The following PLXNC1 variants were observed in gnomAD, a reference collection of about 807,000 sequenced individuals.
PLXNC1 encodes plexin-C1.
A neutral mutation model predicts 178.2 loss-of-function variants in PLXNC1; 75 were observed. That is an observed-to-expected ratio of 0.42 (90% CI 0.35 to 0.51). PLXNC1 has a LOEUF of 0.51. PLXNC1 is among the 20% of genes least tolerant of loss of function. The probability of loss-of-function intolerance (pLI) is 0.02; values close to 1 mark genes in which losing one functional copy is unlikely to be tolerated. For missense variants in PLXNC1, 1,503 were observed against 1,984.4 expected (o/e 0.76, Z 4.61); for synonymous variants, 790 against 779.9 (o/e 1.01, Z -0.22).
At chr12:94,300,511 A>G (rs1278872044) in intron 27 of PLXNC1, among the ~76,000 whole-genome samples, 2 of 152,212 alleles carry the variant, frequency 1.3e-5, no homozygotes, top group African/African-American at 4.8e-5. Context: ...GGTGTTATCC[A>G]GAGGGAGATG....
At chr12:94,196,785 G>A (rs1047873844) in intron 4 of PLXNC1, among the ~76,000 whole-genome samples, 2 of 152,178 alleles carry the variant, frequency 1.3e-5, no homozygotes, top group African/African-American at 4.8e-5. Context: ...TACCTTGCAC[G>A]TTCTGTGCCA....
intron 3 of PLXNC1, among the ~76,000 whole-genome samples, chr12:94,183,143 A>C (rs1438629366): frequency 6.6e-6 from 1 of 152,220 alleles, no homozygotes; most frequent in Admixed American, 6.5e-5. Flanking sequence ...CTGGTTTTCC[A>C]TTCTTTTCCT....
chr12:94,189,113 C>T (rs1474989951), intron 4 of PLXNC1, among the ~76,000 whole-genome samples: 1 of 152,198 alleles, frequency 6.6e-6, no homozygotes, highest in Non-Finnish European at 1.5e-5. Context: ...ATGGTTTTGT[C>T]TTTCTCAAGC....
chr12:94,198,541 C>T (rs1963005892), intron 4 of PLXNC1, among the ~76,000 whole-genome samples: 1 of 152,104 alleles, frequency 6.6e-6, no homozygotes, highest in Non-Finnish European at 1.5e-5. Flanking sequence ...CATGGAGTTC[C>T]CTCTAGTGAG....
chr12:94,182,861 ATCTATCTATCTATCTATC>A (rs1565797605), intron 3 of PLXNC1, among the ~76,000 whole-genome samples: 27 of 126,098 alleles, frequency 2.1e-4, no homozygotes, highest in Non-Finnish European at 3.8e-4. Flanking sequence ...GAATATCTGT[ATCTATCTATCTATCTATC>A]TATCTATCTA....
At chr12:94,209,732 C>T (rs570437285) in intron 5 of PLXNC1, 28 bp downstream of exon 5, 24 of 1,343,126 alleles carry the variant, frequency 1.8e-5, no homozygotes, top group East Asian at 6.9e-5. Context: ...AATTTGTCCT[C>T]GTTGTATTGT....
Position 94,209,724 on chromosome 12 carries a change from T to TC in PLXNC1, c.1554+20_1554+21insC. On this transcript the variant is annotated intron_variant, in intron 5 of 30. Coordinates refer to ENST00000258526, the MANE Select transcript of PLXNC1 (RefSeq NM_005761.3). The stretch of plus-strand genomic sequence containing the variant: ...GAAAAGGTAAGAGGAAAGATTTTAA[T>TC]TTGTCCTCGTTGTATTGTCTCATTT... The TC allele has an allele frequency of 7.1e-7, 1 of 1,412,942 alleles. No individual in the cohort carries two copies. Among genetic ancestry groups the TC allele is most frequent in the Non-Finnish European group, 1.0e-6 (1 of 998,016 alleles). 87.5% of individuals were successfully genotyped at this position (1,412,942 alleles called of 1,614,324 possible).
At chr12:94,222,258 C>T (rs1373213288) in intron 6 of PLXNC1, among the ~76,000 whole-genome samples, 2 of 152,202 alleles carry the variant, frequency 1.3e-5, no homozygotes, top group Non-Finnish European at 2.9e-5. Context: ...TTGCACCCAA[C>T]CCTTCACCTG....
rs547469262 is a variant in PLXNC1, at chr12:94,230,424, C to T, written c.1980+3189C>T. Among the ~76,000 whole-genome samples, 22 of 152,244 alleles carry T rather than the reference C, an allele frequency of 1.4e-4. No homozygotes were observed. In the East Asian group the frequency reaches 3.1e-3, roughly 21 times the overall value. The stretch of plus-strand genomic sequence containing the variant: ...CCTTTGAACTGTGTGGTTAAAAGGA[C>T]TGGGGTCACCACAAGAGAAGAAGAA... On this transcript the variant is annotated intron_variant, in intron 9 of 30. Transcript: ENST00000258526.
rs180813184 is a variant in PLXNC1, at chr12:94,161,185, T to G, written c.1063-7968T>G. ...CTAACCATTCATTTCAGTTACCAAG[T>G]GTTTCAGAAACCAATGACATGAAAT... On this transcript the variant is annotated intron_variant, in intron 1 of 30. Transcript: ENST00000258526. Among the ~76,000 whole-genome samples, 265 of 152,328 alleles carry G rather than the reference T, an allele frequency of 1.7e-3. 5 individuals are homozygous for G. Among genetic ancestry groups the G allele is most frequent in the Admixed American group, 0.016 (249 of 15,300 alleles).
At chr12:94,250,403 G>A (rs907119398) in intron 14 of PLXNC1, among the ~76,000 whole-genome samples, 1 of 152,156 alleles carries the variant, frequency 6.6e-6, no homozygotes, top group African/African-American at 2.4e-5. Context: ...AAAGAGGACT[G>A]GATGTGCATA....
intron 1 of PLXNC1, among the ~76,000 whole-genome samples, chr12:94,154,539 G>T (rs1186041368): frequency 6.6e-6 from 1 of 152,186 alleles, no homozygotes; most frequent in Non-Finnish European, 1.5e-5. Flanking sequence ...AGCACGAAGG[G>T]TTAAATAATT....
chr12:94,149,258 C>G lies in PLXNC1; in HGVS notation c.287C>G (p.Pro96Arg). ...ACAGAGCCGGTCTCGCTGGCGCCCC[C>G]CGCGCGGCCCCGGCCCGGGAGCAGC... ...NCTEPVSLAPPARPRPGSSFS... is the reference protein window; with the variant it reads ...NCTEPVSLAPRARPRPGSSFS... The change falls in exon 1 of 31, where the codon CCC becomes CGC. Residue 96 changes from proline (P) to arginine (R), a missense_variant. Pro to Arg is a moderately radical substitution (Grantham distance 103). Coordinates refer to ENST00000258526, the MANE Select transcript of PLXNC1 (RefSeq NM_005761.3). 6.5e-7 allele frequency: 1 copy of G among 1,540,278 alleles called. No individual in the cohort carries two copies. Among genetic ancestry groups the G allele is most frequent in the Non-Finnish European group, 8.7e-7 (1 of 1,152,180 alleles).
At chr12:94,177,217 GTGTATATATATACATA>G (rs1392801084) in intron 2 of PLXNC1, among the ~76,000 whole-genome samples, 2,696 of 80,908 alleles carry the variant, frequency 0.033, 138 homozygotes, top group African/African-American at 0.12. Context: ...ATATATGTGT[GTGTATATATATACATA>G]TATATATATA....
intron 4 of PLXNC1, among the ~76,000 whole-genome samples, chr12:94,199,253 C>T (rs374843893): frequency 3.3e-5 from 5 of 152,222 alleles, no homozygotes; most frequent in East Asian, 1.9e-4. Context: ...TTCCTCCTTT[C>T]CTTCCAATCC....
intron 28 of PLXNC1, among the ~76,000 whole-genome samples, chr12:94,302,533 A>G (rs1454920612): frequency 6.6e-6 from 1 of 152,234 alleles, no homozygotes; most frequent in Admixed American, 6.5e-5. Context: ...CAGCACACTG[A>G]AAGGCACTTA....
At chr12:94,219,896 C>T in intron 5 of PLXNC1, 120 bp from the exon 6 acceptor site, 5 of 675,108 alleles carry the variant, frequency 7.4e-6, no homozygotes, top group Admixed American at 2.4e-5. Context: ...TTCTTTACAT[C>T]AGCTCTTCTG....
rs572557022 is a variant in PLXNC1 at position 94,275,689 on chromosome 12, TAA to T, written c.3598-3777_3598-3776del. Among the ~76,000 whole-genome samples, 27 of 125,744 alleles carry T rather than the reference TAA, an allele frequency of 2.1e-4. 2 individuals are homozygous for T. In the Middle Eastern group the frequency reaches 0.016, roughly 74 times the overall value. The allele number at this position is 125,744 out of a possible 152,430, so 82.5% of individuals were successfully genotyped here. On this transcript the variant is annotated intron_variant, in intron 21 of 30. Transcript: ENST00000258526. ...TAAAACGGTGAAACCCCGTCTCTAC[TAA>T]AAAAATACAAAAAATTAGCCGGGCG...
chr12:94,205,456 T>C (rs538986663), intron 4 of PLXNC1, among the ~76,000 whole-genome samples: 25 of 152,346 alleles, frequency 1.6e-4, no homozygotes, highest in African/African-American at 6.0e-4. Context: ...AGTTACATTA[T>C]GGATAAGTAG....
Sources: allele counts gnomAD v4.1 joint callset (sites outside exome capture counted in the v4.1 genomes callset), GRCh38; gene constraint gnomAD v4.1.1; transcripts MANE v1.5; gene names NCBI Gene and HGNC (gene_info 2026-07-23, HGNC 2026-07-21).